ZNF568: variants seen among roughly 807,000 people sequenced by gnomAD.
ZNF568 encodes the protein p53 inhibitor of SCO2 activation.
A neutral mutation model predicts 18.1 loss-of-function variants in ZNF568; 11 were observed. The observed-to-expected ratio is 0.61, with a 90% CI of 0.38 to 1.00. The LOEUF is 1.00. Ranked by LOEUF, ZNF568 falls within the 50% of genes least tolerant of loss-of-function variation. The pLI, the probability that ZNF568 is intolerant of heterozygous loss-of-function variation, is 0.01. For synonymous variants in ZNF568, 213 were observed against 246.6 expected, an observed-to-expected ratio of 0.86 and a Z score of 1.28; for missense variants, 639 against 768.2, an observed-to-expected ratio of 0.83 and a Z score of 1.99.
At chr19:36,946,257 G>A (rs1425627870) in intron 6 of ZNF568, among the ~76,000 whole-genome samples, 1 of 152,088 alleles carries the variant, frequency 6.6e-6, no homozygotes, top group African/African-American at 2.4e-5. Context: ...AATAGAAGAT[G>A]AGGTTTAGTA....
At chr19:36,988,633 C>T (rs954393193) in intron 2 of ZNF568, among the ~76,000 whole-genome samples, 9 of 152,100 alleles carry the variant, frequency 5.9e-5, no homozygotes, top group African/African-American at 9.7e-5. Context: ...AGTCACCTCC[C>T]GCCAGGCCCT....
intron 6 of ZNF568, among the ~76,000 whole-genome samples, chr19:36,940,890 T>TG (rs1299581661): frequency 6.6e-6 from 1 of 152,172 alleles, no homozygotes; most frequent in Admixed American, 6.5e-5. Context: ...CGTGTCTGTT[T>TG]GGGGGGTAAA....
At chr19:36,968,190 GA>G (rs1452193482) in intron 6 of ZNF568, among the ~76,000 whole-genome samples, 30 of 152,058 alleles carry the variant, frequency 2.0e-4, no homozygotes, top group African/African-American at 7.3e-4. Flanking sequence ...GTAATTTCAT[GA>G]TTCATATTTA....
intron 6 of ZNF568, among the ~76,000 whole-genome samples, chr19:36,967,632 A>G (rs1457664038): frequency 6.6e-6 from 1 of 152,228 alleles, no homozygotes; most frequent in African/African-American, 2.4e-5. Context: ...CCAGACTGAT[A>G]CAAACTGACC....
At chr19:36,996,821 G>A (rs935707) in exon 5 of ZNF568, 815,725 of 1,550,290 alleles carry the variant, frequency 0.53, 216,859 homozygotes, top group African/African-American at 0.62. Flanking sequence ...AAAGCCTTTC[G>A]TTCCAGCTCA....
At chr19:36,968,942 G>A (rs1189126692) in intron 6 of ZNF568, among the ~76,000 whole-genome samples, 5 of 150,794 alleles carry the variant, frequency 3.3e-5, no homozygotes, top group South Asian at 2.1e-4. Context: ...TGCAACCTCC[G>A]CCTCCTAGGT....
rs972890112 is a variant in ZNF568, at chr19:36,950,292, A to G, written c.1139A>G (p.His380Arg). ...AFSRMSSVTL[H>R]MRSHTGEKPY... ...TCTCGAATGTCATCTGTTACGCTAC[A>G]TATGAGAAGTCACACAGGGGAGAAA... The change falls in exon 7 of 7, where the codon CAT becomes CGT. Residue 380 changes from histidine to arginine, a missense_variant. Transcript: ENST00000333987. The G allele has an allele frequency of 8.7e-6, 14 of 1,613,958 alleles. No homozygotes were observed. Among genetic ancestry groups the G allele is most frequent in the East Asian group, 2.2e-5 (1 of 44,874 alleles).
intron 6 of ZNF568, among the ~76,000 whole-genome samples, chr19:36,959,274 A>T (rs2074130604): frequency 6.6e-6 from 1 of 152,114 alleles, no homozygotes; most frequent in Non-Finnish European, 1.5e-5. Flanking sequence ...TGAGATGATT[A>T]TATGGTTTTT....
rs1013543511 is a variant in ZNF568, at chr19:36,917,562, G to T, written c.-255-17G>T. ...AAGAATTTCATTTTCTAACCCCCTT[G>T]TGTCTTTATGTTTCAGATCTGTGTC... is the stretch of plus-strand genomic sequence containing the variant. On this transcript the variant is annotated splice_polypyrimidine_tract_variant and intron_variant, in intron 1 of 6. Coordinates refer to ENST00000333987, the MANE Select transcript of ZNF568 (RefSeq NM_198539.4). The T allele has an allele frequency of 1.3e-5, 2 of 152,076 alleles. No individual in the cohort carries two copies. Among genetic ancestry groups the T allele is most frequent in the Admixed American group, 6.5e-5 (1 of 15,274 alleles). The allele number at this position is 152,076 out of a possible 1,614,324, so 9.4% of individuals were successfully genotyped here.
At chr19:36,996,709 C>G (rs1568411804) in exon 5 of ZNF568, 3 of 1,536,454 alleles carry the variant, frequency 2.0e-6, no homozygotes, top group Non-Finnish European at 2.6e-6. Context: ...AAGCAAAAAA[C>G]ATAGTGAAAA....
chr19:36,990,452 T>C (rs1436190299), intron 2 of ZNF568, among the ~76,000 whole-genome samples: 1 of 152,116 alleles, frequency 6.6e-6, no homozygotes, highest in African/African-American at 2.4e-5. Context: ...CTGTCTGTAC[T>C]AAAAATACAA....
chr19:36,970,970 C>A (rs62113193), intron 6 of ZNF568, among the ~76,000 whole-genome samples: 26,981 of 151,770 alleles, frequency 0.18, 2,414 homozygotes, highest in African/African-American at 0.21. Context: ...GGCCTGGGCA[C>A]GGTGGCTCAC....
At chr19:36,991,918 C>T (rs1238153060) in intron 4 of ZNF568, 13 of 1,207,294 alleles carry the variant, frequency 1.1e-5, no homozygotes, top group Non-Finnish European at 1.0e-5. Context: ...GAAGGCAGCA[C>T]TTCAGGGATT....
intron 6 of ZNF568, among the ~76,000 whole-genome samples, 155 bp from the exon 7 acceptor site, chr19:36,949,357 T>A (rs576274847): frequency 2.0e-5 from 3 of 152,340 alleles, no homozygotes; most frequent in African/African-American, 7.2e-5. Context: ...TCTCAAACCT[T>A]AGGAACTAGG....
intron 4 of ZNF568, among the ~76,000 whole-genome samples, chr19:36,929,165 C>T (rs1341603477): frequency 6.6e-6 from 1 of 152,010 alleles, no homozygotes; most frequent in Non-Finnish European, 1.5e-5. Flanking sequence ...ACATATACAC[C>T]CAGAACTGAC....
chr19:36,936,448 G>A (rs775439329), intron 4 of ZNF568, among the ~76,000 whole-genome samples: 3 of 152,086 alleles, frequency 2.0e-5, no homozygotes, highest in Non-Finnish European at 4.4e-5. Context: ...AATTTGCTCT[G>A]AAGATTCTCT....
chr19:36,997,273 G>C (rs759481980), downstream of ZNF568: 6 of 1,602,814 alleles, frequency 3.7e-6, no homozygotes, highest in Admixed American at 1.7e-5. Flanking sequence ...ACATCAGAGT[G>C]TCCATACTGG....
chr19:36,978,463 C>T (rs771486202), intron 7 of ZNF568, among the ~76,000 whole-genome samples: 1 of 152,196 alleles, frequency 6.6e-6, no homozygotes, highest in Non-Finnish European at 1.5e-5. Flanking sequence ...CCTCCATCTT[C>T]TGCTCTCTCT....
chr19:36,981,931 T>C (rs574653575), downstream of ZNF568, among the ~76,000 whole-genome samples: 11 of 112,370 alleles, frequency 9.8e-5, no homozygotes, highest in African/African-American at 1.6e-4. Context: ...GTATATAGAC[T>C]TGCCATTGAT....
Sources: gnomAD v4.1 joint callset for allele counts (sites outside exome capture counted in the v4.1 genomes callset) on GRCh38, gnomAD v4.1.1 for gene constraint, MANE v1.5 for transcripts, NCBI Gene and HGNC (gene_info 2026-07-23, HGNC 2026-07-21) for gene names.